DMXL2: variants seen among roughly 807,000 people sequenced by gnomAD.
DMXL2 encodes the protein Dmx like 2.
In DMXL2, 103 loss-of-function variants were observed where a neutral mutation model predicts 331.1. The observed-to-expected ratio is 0.31, with a 90% CI of 0.27 to 0.37. The LOEUF is 0.37. DMXL2 is among the 10% of genes least tolerant of loss of function. The pLI is 1.00. For synonymous variants in DMXL2, 1,281 were observed against 1,252.1 expected, an observed-to-expected ratio of 1.02 and a Z score of -0.49; for missense variants, 3,171 against 3,642.9, an observed-to-expected ratio of 0.87 and a Z score of 3.33.
rs1364050776 is a variant in DMXL2 at position 51,448,771 on chromosome 15, T to C, written c.*213A>G. 5.1e-6 allele frequency: 3 copies of C among 585,580 alleles called. No individual in the cohort carries two copies. The highest frequency in any genetic ancestry group is 4.5e-4 in the Middle Eastern group (1 of 2,218). The allele number at this position is 585,580 out of a possible 1,614,324, so 36.3% of individuals were successfully genotyped here. A position where few individuals can be genotyped will look rare whatever the true frequency, so the allele number is the denominator to read the frequency against. On this transcript the variant is annotated 3_prime_UTR_variant, in exon 44 of 44. Transcript: ENST00000560891. ...TAAAGAATAGCTATCCTTCATACAA[T>C]ACTAGGTTTTATTTTTTTTAGTATG... is the stretch of plus-strand genomic sequence containing the variant.
chr15:51,610,239 T>C (rs1029236992), intron 1 of DMXL2, among the ~76,000 whole-genome samples: 4 of 152,174 alleles, frequency 2.6e-5, no homozygotes, highest in African/African-American at 9.6e-5. Flanking sequence ...CAAGAAGATA[T>C]AATAATTTTA....
At chr15:51,575,909 A>C (rs1239016626) in intron 2 of DMXL2, 147 bp downstream of exon 2, 1 of 751,894 alleles carries the variant, frequency 1.3e-6, no homozygotes, top group African/African-American at 1.8e-5. Flanking sequence ...CAATTTGTAT[A>C]AACCTATCAC....
intron 3 of DMXL2, among the ~76,000 whole-genome samples, chr15:51,566,576 T>C (rs535834487): frequency 3.1e-4 from 47 of 152,266 alleles, no homozygotes; most frequent in Admixed American, 6.5e-4. Flanking sequence ...TCTAGGTGAC[T>C]CTTAAGTAGT....
intron 33 of DMXL2, among the ~76,000 whole-genome samples, chr15:51,461,510 A>G (rs992862847): frequency 1.3e-5 from 2 of 152,198 alleles, no homozygotes; most frequent in African/African-American, 4.8e-5. Flanking sequence ...TGATCACTCA[A>G]TGAACTGGTT....
intron 16 of DMXL2, among the ~76,000 whole-genome samples, chr15:51,506,326 G>A (rs1342571712): frequency 6.6e-6 from 1 of 152,000 alleles, no homozygotes; most frequent in Non-Finnish European, 1.5e-5. Flanking sequence ...GCCTCCCAAA[G>A]TGCTGGGATT....
intron 2 of DMXL2, among the ~76,000 whole-genome samples, chr15:51,570,527 TA>T (rs1248585208): frequency 6.6e-6 from 1 of 152,230 alleles, no homozygotes; most frequent in African/African-American, 2.4e-5. Flanking sequence ...GAAAAAATGT[TA>T]AGGGCAGCCA....
At chr15:51,539,223 G>GAAGA (rs1029456619) in intron 9 of DMXL2, among the ~76,000 whole-genome samples, 4 of 151,326 alleles carry the variant, frequency 2.6e-5, no homozygotes, top group South Asian at 4.2e-4. Context: ...AAAAAAAAAG[G>GAAGA]AAGAAAGAAA....
intron 17 of DMXL2, among the ~76,000 whole-genome samples, chr15:51,502,306 T>TGTGTGTGTGTGTGTGTGTGTGTGTGTGTG (rs2043701330): frequency 2.8e-5 from 4 of 140,554 alleles, no homozygotes; most frequent in Admixed American, 2.1e-4. Flanking sequence ...TTTTGTGGGT[T>TGTGTGTGTGTGTGTGTGTGTGTGTGTGTG]TGTGTGTGTG....
At chr15:51,560,623 T>A (rs76252910) in intron 6 of DMXL2, among the ~76,000 whole-genome samples, 299 of 148,578 alleles carry the variant, frequency 2.0e-3, no homozygotes, top group African/African-American at 7.2e-3. Context: ...GAGCCGTGAC[T>A]GTGCCATTGC....
At chr15:51,600,377 G>C (rs2053144783) in intron 1 of DMXL2, among the ~76,000 whole-genome samples, 1 of 152,150 alleles carries the variant, frequency 6.6e-6, no homozygotes, top group Non-Finnish European at 1.5e-5. Flanking sequence ...GTCACAGCAT[G>C]ACTCATGCCT....
rs1327141925 is a variant in DMXL2, at chr15:51,569,613, C to T, written c.214-1055G>A. Among the ~76,000 whole-genome samples the T allele has an allele frequency of 2.6e-5, 4 of 152,182 alleles. No homozygotes were observed. In the South Asian group the frequency reaches 8.3e-4, roughly 32 times the overall value. ...GCATCTGGCGGGTGCCCTTCTGGGACAAAGCTCCCAGAGGTAGGAACAGGC... is the reference window on the plus strand; with the variant it reads ...GCATCTGGCGGGTGCCCTTCTGGGATAAAGCTCCCAGAGGTAGGAACAGGC... On this transcript the variant is annotated intron_variant, in intron 2 of 43. Transcript: ENST00000560891.
intron 30 of DMXL2, 71 bp from the exon 31 acceptor site, chr15:51,465,722 C>G: frequency 8.8e-7 from 1 of 1,142,602 alleles, no homozygotes; most frequent in Non-Finnish European, 1.3e-6. Flanking sequence ...GTGGTGTTCC[C>G]TGCCAACTGT....
Position 51,591,855 on chromosome 15 carries a change from C to G in DMXL2, c.88-15674G>C, listed in dbSNP as rs553111646. 9.2e-5 allele frequency among the ~76,000 whole-genome samples: 14 copies of G among 152,256 alleles called. No individual in the cohort carries two copies. The East Asian group carries it at 2.1e-3, about 23-fold the overall frequency. On this transcript the variant is annotated intron_variant, in intron 1 of 43. Transcript: ENST00000560891. The stretch of plus-strand genomic sequence containing the variant: ...CTCCAACAGACCTGCAGCTGAGGGT[C>G]CTGACTCTTAGAAGGAAAACTAGCA...
chr15:51,585,137 T>C (rs955990379), intron 1 of DMXL2, among the ~76,000 whole-genome samples: 2 of 82,944 alleles, frequency 2.4e-5, no homozygotes, highest in African/African-American at 4.9e-5. Context: ...TCCTGCCTGA[T>C]TGCCCTGGCC....
intron 19 of DMXL2, among the ~76,000 whole-genome samples, chr15:51,492,526 G>A (rs1284408435): frequency 6.6e-6 from 1 of 152,072 alleles, no homozygotes; most frequent in African/African-American, 2.4e-5. Flanking sequence ...AAGACTGACA[G>A]GGATCTAGGC....
chr15:51,589,413 T>C (rs1200493807), intron 1 of DMXL2, among the ~76,000 whole-genome samples: 2 of 152,246 alleles, frequency 1.3e-5, no homozygotes, highest in Non-Finnish European at 2.9e-5. Context: ...GATGGTTTAT[T>C]GTGTATCTTA....
Position 51,480,830 on chromosome 15 carries a change from T to G in DMXL2, c.6276A>C (p.Ser2092=). ...TCTTACTGGAATACTCTTTAATAAC[T>G]GATTCATGATTACATATCTCATGCA... is the stretch of plus-strand genomic sequence containing the variant. ...AALHEICNHE[S]VIKEYSSKTY... Residue 2092 remains serine (S), a synonymous_variant, in exon 24 of 44, where the codon TCA becomes TCC. Coordinates refer to ENST00000560891, the MANE Select transcript of DMXL2 (RefSeq NM_001378457.1). 6.2e-7 allele frequency: 1 copy of G among 1,612,576 alleles called. No homozygotes were observed. Among genetic ancestry groups the G allele is most frequent in the Non-Finnish European group, 8.5e-7 (1 of 1,179,390 alleles).
intron 33 of DMXL2, among the ~76,000 whole-genome samples, chr15:51,461,480 G>A (rs2040117156): frequency 6.6e-6 from 1 of 152,138 alleles, no homozygotes; most frequent in Non-Finnish European, 1.5e-5. Flanking sequence ...ATAATTTGAA[G>A]AACAAAACAC....
At chr15:51,562,102 T>C (rs2050009033) in intron 6 of DMXL2, among the ~76,000 whole-genome samples, 1 of 152,194 alleles carries the variant, frequency 6.6e-6, no homozygotes, top group African/African-American at 2.4e-5. Flanking sequence ...TACATTTCAA[T>C]TAACTAGAAG....
Sources: gnomAD v4.1 joint callset for allele counts (sites outside exome capture counted in the v4.1 genomes callset) on GRCh38, gnomAD v4.1.1 for gene constraint, MANE v1.5 for transcripts, NCBI Gene and HGNC (gene_info 2026-07-23, HGNC 2026-07-21) for gene names.